The following SRGAP3 variants were observed in gnomAD, a reference collection of about 807,000 sequenced individuals.
SRGAP3 encodes SLIT-ROBO Rho GTPase-activating protein 3.
Under a neutral mutation model 121.1 loss-of-function variants are expected in SRGAP3, and 39 were observed. The observed-to-expected ratio is 0.32, with a 90% CI of 0.25 to 0.42. The LOEUF (loss-of-function observed/expected upper bound fraction) is 0.42, where lower values mean the gene tolerates loss of function less well. Ranked by LOEUF, SRGAP3 falls within the 10% of genes least tolerant of loss-of-function variation. SRGAP3 has a pLI of 1.00. For synonymous variants in SRGAP3, 601 were observed against 570.0 expected (o/e 1.05, Z -0.77); for missense variants, 1,213 against 1,470.6 (o/e 0.82, Z 2.86).
At chr3:9,325,341 A>G (rs1003889973) in intron 3 of SRGAP3, among the ~76,000 whole-genome samples, 2 of 151,884 alleles carry the variant, frequency 1.3e-5, no homozygotes, top group Admixed American at 6.5e-5. Flanking sequence ...TAAAGAGTCT[A>G]TTCACTTGAC....
intron 12 of SRGAP3, among the ~76,000 whole-genome samples, chr3:9,030,373 C>T (rs1432966358): frequency 6.6e-6 from 1 of 152,326 alleles, no homozygotes; most frequent in African/African-American, 2.4e-5. Context: ...TAGCATATTC[C>T]TCTTGCCATT....
At chr3:9,159,454 A>C (rs140050530) in intron 1 of SRGAP3, among the ~76,000 whole-genome samples, 375 of 152,162 alleles carry the variant, frequency 2.5e-3, no homozygotes, top group African/African-American at 8.7e-3. Context: ...TTTGTCTTTC[A>C]CTTAACAAAT....
At chr3:9,154,932 T>C (rs746265132) in intron 1 of SRGAP3, among the ~76,000 whole-genome samples, 1 of 152,092 alleles carries the variant, frequency 6.6e-6, no homozygotes, top group Admixed American at 6.6e-5. Flanking sequence ...TCAATGGTTA[T>C]ATAAATTTGC....
intron 3 of SRGAP3, among the ~76,000 whole-genome samples, chr3:9,097,022 T>C (rs766386790): frequency 2.7e-5 from 4 of 146,008 alleles, no homozygotes; most frequent in Non-Finnish European, 6.0e-5. Context: ...ACAGGGTCTC[T>C]CTCTATTGTC....
intron 1 of SRGAP3, among the ~76,000 whole-genome samples, chr3:9,243,504 G>A (rs1378819737): frequency 7.2e-5 from 11 of 151,930 alleles, no homozygotes; most frequent in South Asian, 6.2e-4. Flanking sequence ...GCATAGTGGC[G>A]CATGCCTGTA....
chr3:9,326,239 C>T (rs900051459), intron 2 of SRGAP3: 1 of 151,848 alleles, frequency 6.6e-6, no homozygotes, highest in Non-Finnish European at 1.5e-5. Flanking sequence ...TACACTATAG[C>T]ATAATAATCT....
At chr3:9,044,818 C>T (rs1440864077) in intron 10 of SRGAP3, among the ~76,000 whole-genome samples, 1 of 152,188 alleles carries the variant, frequency 6.6e-6, no homozygotes, top group Non-Finnish European at 1.5e-5. Flanking sequence ...CTTTGGCCTG[C>T]TGAATTTTTT....
At chr3:9,113,776 C>T (rs537858387) in intron 2 of SRGAP3, among the ~76,000 whole-genome samples, 266 of 152,210 alleles carry the variant, frequency 1.7e-3, no homozygotes, top group Non-Finnish European at 3.1e-3. Context: ...AGGGGGTTCC[C>T]CCTTCACTGG....
intron 1 of SRGAP3, chr3:9,236,397 T>A: frequency 6.4e-6 from 1 of 155,416 alleles, no homozygotes; most frequent in East Asian, 1.7e-4. Flanking sequence ...AGTTTGGTTG[T>A]GTCCCCGCCC....
intron 17 of SRGAP3, among the ~76,000 whole-genome samples, chr3:9,012,620 GA>G (rs1943431720): frequency 6.6e-6 from 1 of 152,152 alleles, no homozygotes; most frequent in Admixed American, 6.6e-5. Context: ...ACTTTGTCTG[GA>G]AAAGAGAACT....
chr3:9,170,181 A>G (rs544539575), intron 1 of SRGAP3, among the ~76,000 whole-genome samples: 1 of 152,312 alleles, frequency 6.6e-6, no homozygotes, highest in East Asian at 1.9e-4. Context: ...GAATGTCCGT[A>G]GAAGAAACCG....
intron 1 of SRGAP3, among the ~76,000 whole-genome samples, chr3:9,357,855 A>C (rs2030603053): frequency 6.6e-6 from 1 of 152,022 alleles, no homozygotes; most frequent in African/African-American, 2.4e-5. Flanking sequence ...CACATAACAC[A>C]AAATTCCCCA....
intron 3 of SRGAP3, among the ~76,000 whole-genome samples, chr3:9,285,295 T>C (rs892498442): frequency 6.6e-6 from 1 of 152,126 alleles, no homozygotes; most frequent in African/African-American, 2.4e-5. Context: ...CATTCTATTG[T>C]TTTAGTGATT....
At chr3:9,056,791 T>C (rs1030489502) in intron 7 of SRGAP3, among the ~76,000 whole-genome samples, 2 of 152,276 alleles carry the variant, frequency 1.3e-5, no homozygotes, top group African/African-American at 2.4e-5. Flanking sequence ...TGTGAGACAA[T>C]GTGCTCTCAC....
intron 1 of SRGAP3, among the ~76,000 whole-genome samples, chr3:9,182,189 A>C (rs565015046): frequency 3.3e-5 from 5 of 150,908 alleles, no homozygotes; most frequent in South Asian, 2.1e-4. Flanking sequence ...AAAAAAAAAA[A>C]AAAAAAAAAA....
intron 9 of SRGAP3, among the ~76,000 whole-genome samples, chr3:9,048,387 G>A (rs2125145227): frequency 6.6e-6 from 1 of 152,392 alleles, no homozygotes; most frequent in South Asian, 2.1e-4. Flanking sequence ...AGCTGTGACT[G>A]GCTTAGAGTA....
chr3:9,207,136 G>A (rs1297751283), intron 1 of SRGAP3, among the ~76,000 whole-genome samples: 1 of 152,144 alleles, frequency 6.6e-6, no homozygotes, highest in Non-Finnish European at 1.5e-5. Flanking sequence ...GGATGAGTTG[G>A]GCACTCCATC....
rs1397501643 is a variant in SRGAP3 at position 9,074,357 on chromosome 3, T to C, written c.486+5668A>G. Reference sequence around the variant, plus strand: ...CCCAGAATAATCCAGACAAATGAACTGGCAGCAGCCCCATGTTCCAGGGAG... The same window carrying C: ...CCCAGAATAATCCAGACAAATGAACCGGCAGCAGCCCCATGTTCCAGGGAG... On this transcript the variant is annotated intron_variant, in intron 4 of 21. Transcript: ENST00000383836. Among the ~76,000 whole-genome samples, 3 of 152,208 alleles carry C rather than the reference T, an allele frequency of 2.0e-5. No homozygotes were observed. The East Asian group carries it at 5.8e-4, about 29-fold the overall frequency.
chr3:9,333,013 A>G (rs1955635916), intron 1 of SRGAP3, among the ~76,000 whole-genome samples: 1 of 152,192 alleles, frequency 6.6e-6, no homozygotes, highest in African/African-American at 2.4e-5. Flanking sequence ...ATTCGCAACC[A>G]CAATGGCAGG....
Sources: gnomAD v4.1 joint callset for allele counts (sites outside exome capture counted in the v4.1 genomes callset) on GRCh38, gnomAD v4.1.1 for gene constraint, MANE v1.5 for transcripts, NCBI Gene and HGNC (gene_info 2026-07-23, HGNC 2026-07-21) for gene names.